Variants in PBX3 observed in about 807,000 individuals in gnomAD.
The protein encoded by PBX3 is PBX homeobox 3.
In PBX3, 14 loss-of-function variants were observed where a neutral mutation model predicts 48.5. The ratio of observed to expected loss-of-function variants is 0.29; its 90% CI spans 0.19 to 0.45. The LOEUF (loss-of-function observed/expected upper bound fraction) is 0.45, where lower values mean the gene tolerates loss of function less well. PBX3 is among the 20% of genes least tolerant of loss of function. The probability of loss-of-function intolerance (pLI) is 1.00; values close to 1 mark genes in which losing one functional copy is unlikely to be tolerated. For synonymous variants in PBX3, 210 were observed against 200.3 expected (o/e 1.05, Z -0.41); for missense variants, 386 against 546.7 (o/e 0.71, Z 2.93).
At chr9:125,838,596 C>T (rs1244463337) in intron 2 of PBX3, among the ~76,000 whole-genome samples, 1 of 152,170 alleles carries the variant, frequency 6.6e-6, no homozygotes, top group Non-Finnish European at 1.5e-5. Flanking sequence ...AAATCACATT[C>T]TTAAGATATA....
At chr9:125,939,222 G>GTATAT in intron 5 of PBX3, among the ~76,000 whole-genome samples, 2 of 151,900 alleles carry the variant, frequency 1.3e-5, no homozygotes, top group African/African-American at 4.8e-5. Context: ...AGCAACAGAG[G>GTATAT]ATTAAAATCC....
chr9:125,805,588 G>A (rs1838103321), intron 2 of PBX3, among the ~76,000 whole-genome samples: 1 of 152,198 alleles, frequency 6.6e-6, no homozygotes, highest in Admixed American at 6.5e-5. Flanking sequence ...TAAAGACGGA[G>A]ATAAATGGAT....
chr9:125,858,679 G>T (rs1261243813), intron 2 of PBX3, among the ~76,000 whole-genome samples: 2 of 147,184 alleles, frequency 1.4e-5, no homozygotes, highest in Non-Finnish European at 1.5e-5. Flanking sequence ...AGGCTGGAGT[G>T]CAATGGCACG....
intron 5 of PBX3, among the ~76,000 whole-genome samples, chr9:125,954,934 A>G (rs1178956059): frequency 6.6e-6 from 1 of 152,222 alleles, no homozygotes; most frequent in African/African-American, 2.4e-5. Context: ...TTATTTTAAG[A>G]TGTCAACATT....
intron 5 of PBX3, among the ~76,000 whole-genome samples, chr9:125,953,162 C>G (rs1470529369): frequency 6.6e-6 from 1 of 151,928 alleles, no homozygotes; most frequent in Admixed American, 6.6e-5. Context: ...AATTTAATCT[C>G]TCTCTCTCTC....
At chr9:125,866,719 A>T (rs993781242) in intron 2 of PBX3, among the ~76,000 whole-genome samples, 1 of 152,208 alleles carries the variant, frequency 6.6e-6, no homozygotes, top group Admixed American at 6.5e-5. Flanking sequence ...AAAATGGCAG[A>T]TGTTATTTGT....
intron 2 of PBX3, among the ~76,000 whole-genome samples, chr9:125,882,141 GGTTGCTTGAACCC>G (rs1288146826): frequency 2.6e-5 from 4 of 151,988 alleles, no homozygotes; most frequent in African/African-American, 9.7e-5. Context: ...GAGGTGGGAG[GGTTGCTTGAACCC>G]AGGAGCTTGA....
chr9:125,814,162 CAA>C (rs565547086), intron 2 of PBX3, among the ~76,000 whole-genome samples: 6,119 of 95,280 alleles, frequency 0.064, 362 homozygotes, highest in East Asian at 0.19. Flanking sequence ...GACTCCATCT[CAA>C]AAAAAAAAAA....
chr9:125,883,178 T>G (rs1276017349), intron 2 of PBX3, among the ~76,000 whole-genome samples: 1 of 152,212 alleles, frequency 6.6e-6, no homozygotes, highest in African/African-American at 2.4e-5. Flanking sequence ...AATTCTAGTG[T>G]TTTAAAACAT....
At chr9:125,817,818 A>C (rs745825018) in intron 2 of PBX3, among the ~76,000 whole-genome samples, 1 of 152,224 alleles carries the variant, frequency 6.6e-6, no homozygotes, top group Non-Finnish European at 1.5e-5. Flanking sequence ...GATTTTTAAA[A>C]AATTGCGGTG....
At chr9:125,859,367 T>C (rs767137497) in intron 2 of PBX3, among the ~76,000 whole-genome samples, 1 of 152,204 alleles carries the variant, frequency 6.6e-6, no homozygotes, top group Non-Finnish European at 1.5e-5. Flanking sequence ...ATTGATATGC[T>C]TCAGAGGGAA....
At chr9:125,891,703 A>G (rs1840648434) in intron 2 of PBX3, among the ~76,000 whole-genome samples, 1 of 152,234 alleles carries the variant, frequency 6.6e-6, no homozygotes, top group Non-Finnish European at 1.5e-5. Flanking sequence ...AAATTTAGCC[A>G]TTTAACCATG....
intron 2 of PBX3, among the ~76,000 whole-genome samples, chr9:125,877,871 A>G (rs141671724): frequency 1.9e-3 from 293 of 152,332 alleles, no homozygotes; most frequent in African/African-American, 6.7e-3. Context: ...TTGATGAGAT[A>G]TGAGAATTAC....
chr9:125,951,042 CATAAACTT>C (rs1842184422), intron 5 of PBX3, among the ~76,000 whole-genome samples: 1 of 152,198 alleles, frequency 6.6e-6, no homozygotes, highest in Non-Finnish European at 1.5e-5. Flanking sequence ...AGGCAAGTTA[CATAAACTT>C]TCTGACCTCA....
At chr9:125,836,321 T>TGTA (rs1839133591) in intron 2 of PBX3, among the ~76,000 whole-genome samples, 1 of 152,144 alleles carries the variant, frequency 6.6e-6, no homozygotes, top group Non-Finnish European at 1.5e-5. Context: ...AGCGGGTGCC[T>TGTA]GTAGTCCCAG....
intron 2 of PBX3, chr9:125,797,329 A>C (rs1837814428): frequency 6.6e-6 from 1 of 152,148 alleles, no homozygotes; most frequent in Admixed American, 6.5e-5. Flanking sequence ...GGAATTAGTT[A>C]CATGCTCTAA....
intron 2 of PBX3, among the ~76,000 whole-genome samples, chr9:125,755,672 G>GTTTTTTTTTTT (rs11310993): frequency 1.1e-3 from 103 of 95,178 alleles, no homozygotes; most frequent in Non-Finnish European, 1.2e-3. Context: ...GAGGAGCTTT[G>GTTTTTTTTTTT]TTTTTTTTTT....
At chr9:125,772,766 C>T (rs1588131466) in intron 2 of PBX3, among the ~76,000 whole-genome samples, 1 of 152,130 alleles carries the variant, frequency 6.6e-6, no homozygotes, top group African/African-American at 2.4e-5. Flanking sequence ...TCATTTATCT[C>T]TTCGAGAAAC....
intron 2 of PBX3, among the ~76,000 whole-genome samples, chr9:125,804,188 G>A (rs1430406827): frequency 1.3e-5 from 2 of 152,190 alleles, no homozygotes; most frequent in Non-Finnish European, 1.5e-5. Flanking sequence ...ATCAGTGGTA[G>A]GGTTTATAAA....
Sources: gnomAD v4.1 joint callset for allele counts (sites outside exome capture counted in the v4.1 genomes callset) on GRCh38, gnomAD v4.1.1 for gene constraint, MANE v1.5 for transcripts, NCBI Gene and HGNC (gene_info 2026-07-23, HGNC 2026-07-21) for gene names.